Variants in FER observed in about 807,000 individuals in gnomAD.
FER encodes the protein tyrosine-protein kinase Fer.
FER carries 63 observed loss-of-function variants against 111.0 expected under a neutral mutation model. That is an observed-to-expected ratio of 0.57 (90% CI 0.46 to 0.70). The LOEUF (loss-of-function observed/expected upper bound fraction) is 0.70. FER is among the 30% of genes least tolerant of loss of function. The probability of loss-of-function intolerance (pLI) is 0.00; values close to 1 mark genes in which losing one functional copy is unlikely to be tolerated. For synonymous variants in FER, 327 were observed against 313.9 expected, an observed-to-expected ratio of 1.04 and a Z score of -0.44; for missense variants, 914 against 954.0, an observed-to-expected ratio of 0.96 and a Z score of 0.55.
chr5:108,848,009 A>G (rs1022446838), intron 5 of FER, among the ~76,000 whole-genome samples: 1 of 152,024 alleles, frequency 6.6e-6, no homozygotes, highest in Non-Finnish European at 1.5e-5. Context: ...TGTCTCAGCC[A>G]ACTGTGTAGC....
chr5:109,025,096 G>C (rs967408842), intron 13 of FER, among the ~76,000 whole-genome samples: 2 of 151,920 alleles, frequency 1.3e-5, no homozygotes, highest in South Asian at 2.1e-4. Flanking sequence ...TTGACTTGGC[G>C]ATGTGGGCTC....
intron 16 of FER, among the ~76,000 whole-genome samples, chr5:109,060,666 G>A (rs1774276460): frequency 6.6e-6 from 1 of 151,912 alleles, no homozygotes; most frequent in Admixed American, 6.6e-5. Context: ...CCTGGTGACA[G>A]AGTGAGACTC....
In FER at chr5:108,785,343, G is replaced by A. The variant is rs868465377; in HGVS notation, c.-59-12781G>A. ...CTGTGCTTCAGCCCCAACTGCTACT[G>A]GCTCTGTGCTGCCATGGGCCCCAGC... On this transcript the variant is annotated intron_variant, in intron 2 of 19. Transcript: ENST00000281092. 24 of 573,566 alleles carry A rather than the reference G, an allele frequency of 4.2e-5. 1 individual carries two copies. Among genetic ancestry groups the A allele is most frequent in the Middle Eastern group, 6.3e-4 (2 of 3,188 alleles). 35.5% of individuals were successfully genotyped at this position (573,566 alleles called of 1,614,324 possible).
At chr5:108,825,842 TG>T (rs1319573369) in intron 3 of FER, among the ~76,000 whole-genome samples, 22 of 152,352 alleles carry the variant, frequency 1.4e-4, no homozygotes, top group South Asian at 6.2e-4. Context: ...TTCCTCCATT[TG>T]GGGTCCCTGA....
intron 2 of FER, among the ~76,000 whole-genome samples, chr5:108,776,552 C>T (rs1443348557): frequency 6.6e-6 from 1 of 152,108 alleles, no homozygotes; most frequent in Non-Finnish European, 1.5e-5. Context: ...TGCATATACC[C>T]TTATATTCAC....
At chr5:108,793,507 T>C (rs953346588) in intron 2 of FER, among the ~76,000 whole-genome samples, 1 of 109,214 alleles carries the variant, frequency 9.2e-6, no homozygotes, top group Non-Finnish European at 2.0e-5. Flanking sequence ...ATCTATTTTT[T>C]TTTTGGCGGG....
intron 10 of FER, among the ~76,000 whole-genome samples, chr5:108,934,347 G>T (rs974935210): frequency 2.0e-5 from 3 of 152,070 alleles, no homozygotes; most frequent in Non-Finnish European, 4.4e-5. Context: ...AACACAGAAG[G>T]TTCCTTCTAC....
chr5:109,168,563 G>A (rs1019824840), intron 17 of FER, among the ~76,000 whole-genome samples: 2 of 152,106 alleles, frequency 1.3e-5, no homozygotes, highest in African/African-American at 4.8e-5. Flanking sequence ...CTGGAGGGTG[G>A]TGCACCCAGA....
chr5:108,999,938 T>C (rs1457774513), intron 13 of FER, among the ~76,000 whole-genome samples: 1 of 152,142 alleles, frequency 6.6e-6, no homozygotes, highest in Non-Finnish European at 1.5e-5. Context: ...CTAATTTCAC[T>C]ACATAGCACA....
chr5:109,112,435 T>C (rs1749740945), intron 17 of FER, among the ~76,000 whole-genome samples: 2 of 152,174 alleles, frequency 1.3e-5, no homozygotes. Flanking sequence ...CTGTGTCAAC[T>C]ATAATGTAGC....
chr5:109,179,665 C>T (rs1162767845), intron 17 of FER, among the ~76,000 whole-genome samples: 3 of 152,010 alleles, frequency 2.0e-5, no homozygotes, highest in Non-Finnish European at 4.4e-5. Flanking sequence ...ATACAAACTT[C>T]CTTGTCATCA....
chr5:108,917,645 C>T (rs1429088452), intron 10 of FER, among the ~76,000 whole-genome samples: 2 of 152,098 alleles, frequency 1.3e-5, no homozygotes, highest in Non-Finnish European at 2.9e-5. Flanking sequence ...CCAAAGAACA[C>T]AAGGGAAGCT....
intron 8 of FER, among the ~76,000 whole-genome samples, chr5:108,882,814 A>G (rs1395853179): frequency 6.6e-6 from 1 of 151,830 alleles, no homozygotes; most frequent in Non-Finnish European, 1.5e-5. Context: ...TTTTATACAA[A>G]CATAAATTAT....
rs545890284 is a variant in FER at position 108,878,218 on chromosome 5, G to A, written c.924-5178G>A. Among the ~76,000 whole-genome samples, 280 of 152,086 alleles carry A rather than the reference G, an allele frequency of 1.8e-3. 2 individuals carry two copies. The highest frequency in any genetic ancestry group is 0.01 in the Middle Eastern group (3 of 294). On this transcript the variant is annotated intron_variant, in intron 8 of 19. Transcript: ENST00000281092. ...CAACATGCTGGGCTTCCTTTGTATC[G>A]TTTAATACAATTAAATCTTTAAAAA...
chr5:108,854,177 A>T (rs1483599251), intron 5 of FER, among the ~76,000 whole-genome samples: 2 of 152,178 alleles, frequency 1.3e-5, no homozygotes, highest in Non-Finnish European at 2.9e-5. Context: ...ATCAATACAT[A>T]ACTTTATTTT....
chr5:109,100,539 A>G lies in FER; in HGVS notation c.2048+20A>G, dbSNP rs745957967. 5 of 1,588,766 alleles carry G rather than the reference A, an allele frequency of 3.1e-6. No homozygotes were observed. The highest frequency in any genetic ancestry group is 2.3e-5 in the East Asian group (1 of 44,424). Reference sequence around the variant, plus strand: ...ACACAGGTAAGGAGAACATTTTTAAAGCAATTTTTGGTTTTATTAATAGAA... The same window carrying G: ...ACACAGGTAAGGAGAACATTTTTAAGGCAATTTTTGGTTTTATTAATAGAA... On this transcript the variant is annotated intron_variant, in intron 17 of 19. Coordinates refer to ENST00000281092, the MANE Select transcript of FER (RefSeq NM_005246.4).
chr5:108,809,324 G>A (rs1373219760), intron 3 of FER, among the ~76,000 whole-genome samples: 6 of 152,068 alleles, frequency 3.9e-5, no homozygotes, highest in Non-Finnish European at 4.4e-5. Flanking sequence ...GTCTGACTGC[G>A]TTAGTTCTGA....
intron 5 of FER, among the ~76,000 whole-genome samples, chr5:108,860,205 T>C (rs1304133989): frequency 6.6e-6 from 1 of 151,972 alleles, no homozygotes; most frequent in East Asian, 1.9e-4. Flanking sequence ...TCCCCCAAAG[T>C]GCTGGGATTA....
intron 16 of FER, among the ~76,000 whole-genome samples, chr5:109,083,001 A>C (rs967860012): frequency 1.3e-5 from 2 of 152,076 alleles, no homozygotes; most frequent in African/African-American, 4.8e-5. Context: ...GAGGCAGTTT[A>C]AATTCTCCTG....
Sources: gnomAD v4.1 joint callset for allele counts (sites outside exome capture counted in the v4.1 genomes callset) on GRCh38, gnomAD v4.1.1 for gene constraint, MANE v1.5 for transcripts, NCBI Gene and HGNC (gene_info 2026-07-23, HGNC 2026-07-21) for gene names.